The following GPC5 variants were observed in gnomAD, a reference collection of about 807,000 sequenced individuals.
GPC5 encodes glypican 5.
GPC5 carries 47 observed loss-of-function variants against 53.9 expected under a neutral mutation model. The ratio of observed to expected loss-of-function variants is 0.87; its 90% CI spans 0.69 to 1.11. The LOEUF is 1.11. Among genes scored for constraint, GPC5 ranks in the 50% most tolerant of loss-of-function variants. The pLI, the probability that GPC5 is intolerant of heterozygous loss-of-function variation, is 0.00. For missense variants in GPC5, 748 were observed against 713.1 expected (o/e 1.05, Z -0.56); for synonymous variants, 286 against 263.3 (o/e 1.09, Z -0.84).
At chr13:92,702,252 A>T (rs1439978956) in intron 7 of GPC5, among the ~76,000 whole-genome samples, 1 of 152,118 alleles carries the variant, frequency 6.6e-6, no homozygotes, top group Non-Finnish European at 1.5e-5. Context: ...GATCTTTTCC[A>T]GTGTGTGGCT....
chr13:91,868,065 ATAT>A (rs1429207732), intron 5 of GPC5, among the ~76,000 whole-genome samples: 1 of 152,234 alleles, frequency 6.6e-6, no homozygotes, highest in East Asian at 1.9e-4. Context: ...AATTGAAATC[ATAT>A]TATTCAAGAA....
At chr13:92,276,701 G>A (rs886297139) in intron 7 of GPC5, among the ~76,000 whole-genome samples, 2 of 151,964 alleles carry the variant, frequency 1.3e-5, no homozygotes, top group African/African-American at 4.8e-5. Context: ...TTTGCTCTAT[G>A]AATTATTTCA....
At chr13:91,814,618 G>A (rs1310818206) in intron 5 of GPC5, among the ~76,000 whole-genome samples, 2 of 152,048 alleles carry the variant, frequency 1.3e-5, no homozygotes, top group Non-Finnish European at 2.9e-5. Context: ...TCAGCTCACT[G>A]CAACCTCCAC....
intron 7 of GPC5, among the ~76,000 whole-genome samples, chr13:92,237,845 G>A (rs545946700): frequency 8.1e-4 from 123 of 152,026 alleles, no homozygotes; most frequent in African/African-American, 2.9e-3. Context: ...CCAGTACTAG[G>A]CAACCACTAA....
intron 7 of GPC5, among the ~76,000 whole-genome samples, chr13:92,253,492 C>T (rs535125027): frequency 2.6e-5 from 4 of 152,096 alleles, no homozygotes; most frequent in African/African-American, 9.6e-5. Flanking sequence ...AGCAGTTAGT[C>T]ATGCAGATAA....
rs1187426450 is a variant in GPC5, at chr13:92,001,680, T to C, written c.1401+93623T>C. 2.6e-5 allele frequency among the ~76,000 whole-genome samples: 4 copies of C among 152,208 alleles called. No homozygotes were observed. In the East Asian group the frequency reaches 7.7e-4, roughly 29 times the overall value. ...AATTTAATTTAAATGTAAAAAGTAT[T>C]GTAAAAGTTAAATCGTATTCCATTA... On this transcript the variant is annotated intron_variant, in intron 6 of 7. Transcript: ENST00000377067.
intron 7 of GPC5, among the ~76,000 whole-genome samples, chr13:92,507,158 C>A (rs560998755): frequency 5.5e-4 from 84 of 152,190 alleles, no homozygotes; most frequent in Non-Finnish European, 1.2e-3. Context: ...TAAATCTGTC[C>A]TAATCATTCT....
chr13:92,301,212 A>G (rs552746396), intron 7 of GPC5, among the ~76,000 whole-genome samples: 1 of 152,308 alleles, frequency 6.6e-6, no homozygotes, highest in South Asian at 2.1e-4. Context: ...CCTAACTTAT[A>G]ATGTTTTCAA....
intron 7 of GPC5, among the ~76,000 whole-genome samples, chr13:92,419,620 G>A (rs1193022404): frequency 6.6e-6 from 1 of 152,118 alleles, no homozygotes; most frequent in East Asian, 1.9e-4. Flanking sequence ...CAAAAAATGA[G>A]TCATTTGATT....
intron 7 of GPC5, among the ~76,000 whole-genome samples, chr13:92,632,930 A>G (rs558206162): frequency 1.3e-5 from 2 of 152,262 alleles, no homozygotes; most frequent in South Asian, 4.1e-4. Flanking sequence ...TTGCTCTGTC[A>G]TCCAGGCTGG....
At chr13:92,130,462 C>T (rs1228960918) in intron 6 of GPC5, among the ~76,000 whole-genome samples, 1 of 151,844 alleles carries the variant, frequency 6.6e-6, no homozygotes, top group Admixed American at 6.6e-5. Context: ...ACAATTCCAA[C>T]CACATGTGGA....
chr13:91,807,022 TGCAATA>T (rs1309459302), intron 5 of GPC5, among the ~76,000 whole-genome samples: 3 of 152,182 alleles, frequency 2.0e-5, no homozygotes, highest in Non-Finnish European at 2.9e-5. Flanking sequence ...GTGTGCCTTT[TGCAATA>T]GATCAATATT....
At chr13:92,178,581 A>G (rs146171419) in intron 7 of GPC5, among the ~76,000 whole-genome samples, 72 of 152,042 alleles carry the variant, frequency 4.7e-4, no homozygotes, top group African/African-American at 1.7e-3. Context: ...TGTTAATATT[A>G]TATATCAACA....
At chr13:92,644,685 A>G (rs555952101) in intron 7 of GPC5, among the ~76,000 whole-genome samples, 1 of 152,308 alleles carries the variant, frequency 6.6e-6, no homozygotes, top group South Asian at 2.1e-4. Context: ...TATATGCATG[A>G]AATATTGTAA....
At chr13:92,584,318 G>A (rs776370439) in intron 7 of GPC5, among the ~76,000 whole-genome samples, 19 of 152,184 alleles carry the variant, frequency 1.2e-4, no homozygotes, top group Non-Finnish European at 1.6e-4. Context: ...CTCAGATGGA[G>A]ATGAGGAACT....
chr13:91,843,278 T>C (rs1393313622), intron 5 of GPC5, among the ~76,000 whole-genome samples: 1 of 152,180 alleles, frequency 6.6e-6, no homozygotes, highest in Non-Finnish European at 1.5e-5. Flanking sequence ...ACTTTCATAA[T>C]GGAGATATAA....
chr13:92,477,215 C>T (rs1879184372), intron 7 of GPC5, among the ~76,000 whole-genome samples: 2 of 152,002 alleles, frequency 1.3e-5, no homozygotes, highest in Non-Finnish European at 2.9e-5. Flanking sequence ...TCTGAGTAAA[C>T]AAAAGTGGAG....
chr13:91,457,886 A>G (rs1881669032), intron 2 of GPC5, among the ~76,000 whole-genome samples: 1 of 152,110 alleles, frequency 6.6e-6, no homozygotes, highest in South Asian at 2.1e-4. Flanking sequence ...ATGTGCCAGC[A>G]CTGTTTAAAG....
intron 7 of GPC5, among the ~76,000 whole-genome samples, chr13:92,452,360 A>G (rs1878096573): frequency 1.3e-5 from 2 of 152,190 alleles, no homozygotes; most frequent in Admixed American, 6.5e-5. Context: ...AAAAGTGTGG[A>G]TTTACTCAAC....
Sources: allele counts gnomAD v4.1 joint callset (sites outside exome capture counted in the v4.1 genomes callset), GRCh38; gene constraint gnomAD v4.1.1; transcripts MANE v1.5; gene names NCBI Gene and HGNC (gene_info 2026-07-23, HGNC 2026-07-21).